WASHC5: variants seen among roughly 807,000 people sequenced by gnomAD.
The protein encoded by WASHC5 is WASH complex subunit 5.
WASHC5 carries 101 observed loss-of-function variants against 150.4 expected under a neutral mutation model. The ratio of observed to expected loss-of-function variants is 0.67; its 90% CI spans 0.57 to 0.79. The LOEUF (loss-of-function observed/expected upper bound fraction) is 0.79. Ranked by LOEUF, WASHC5 falls within the 30% of genes least tolerant of loss-of-function variation. The pLI, the probability that WASHC5 is intolerant of heterozygous loss-of-function variation, is 0.00. For missense variants in WASHC5, 1,195 were observed against 1,396.3 expected (o/e 0.86, Z 2.30); for synonymous variants, 467 against 491.2 (o/e 0.95, Z 0.65).
At chr8:125,084,370 A>G (rs1817357897) in intron 1 of WASHC5, among the ~76,000 whole-genome samples, 2 of 152,344 alleles carry the variant, frequency 1.3e-5, no homozygotes, top group Middle Eastern at 3.4e-3. Context: ...TTAGCAAATA[A>G]TTTCAAACGC....
chr8:125,089,858 C>T (rs1317857787), intron 1 of WASHC5, among the ~76,000 whole-genome samples: 1 of 152,130 alleles, frequency 6.6e-6, no homozygotes, highest in Non-Finnish European at 1.5e-5. Context: ...ATATGTTCGG[C>T]AATAGTAAAA....
At chr8:125,070,539 A>G (rs1272486980) in intron 9 of WASHC5, among the ~76,000 whole-genome samples, 2 of 152,234 alleles carry the variant, frequency 1.3e-5, no homozygotes, top group Non-Finnish European at 2.9e-5. Flanking sequence ...CTGAGTCACT[A>G]GAAAACCCCA....
intron 24 of WASHC5, among the ~76,000 whole-genome samples, chr8:125,039,183 C>G (rs945418601): frequency 6.6e-6 from 1 of 152,208 alleles, no homozygotes; most frequent in African/African-American, 2.4e-5. Flanking sequence ...AATGCATTCA[C>G]CATTCAAATT....
chr8:125,027,481 G>T (rs1815406863), intron 28 of WASHC5, among the ~76,000 whole-genome samples: 2 of 152,196 alleles, frequency 1.3e-5, no homozygotes, highest in Non-Finnish European at 2.9e-5. Flanking sequence ...ACCCGGATGA[G>T]ACTGGAGATT....
In WASHC5 at chr8:125,044,048, A is replaced by T. The variant is rs1478270508; in HGVS notation, c.2714T>A (p.Val905Asp). ...FQKIILRDRT[V>D]QDTLKTLMNA... ...CATGAGGGTTTTTAAAGTGTCCTGA[A>T]CAGTTCTGTCTCTCAGGATAATTTT... is the stretch of plus-strand genomic sequence containing the variant. Residue 905 changes from valine to aspartate, a missense_variant, in exon 22 of 29, where the codon GTT becomes GAT. By Grantham distance (152) the Val-to-Asp change is radical (BLOSUM62 -3). Transcript: ENST00000318410. 2.5e-6 allele frequency: 4 copies of T among 1,613,878 alleles called. No homozygotes were observed. Among genetic ancestry groups the T allele is most frequent in the Non-Finnish European group, 3.4e-6 (4 of 1,179,764 alleles).
At chr8:125,038,629 C>T (rs1031574090) in intron 25 of WASHC5, among the ~76,000 whole-genome samples, 5 of 152,138 alleles carry the variant, frequency 3.3e-5, no homozygotes, top group African/African-American at 7.2e-5. Context: ...CTTTCACCAG[C>T]GCTATAGCAC....
intron 1 of WASHC5, among the ~76,000 whole-genome samples, chr8:125,086,197 G>C (rs1270654336): frequency 6.6e-6 from 1 of 152,124 alleles, no homozygotes; most frequent in Non-Finnish European, 1.5e-5. Flanking sequence ...AATTCTGGAG[G>C]CGAGAACTTC....
intron 14 of WASHC5, 72 bp downstream of exon 14, chr8:125,059,150 A>T: frequency 9.3e-7 from 1 of 1,075,152 alleles, no homozygotes; most frequent in Non-Finnish European, 1.4e-6. Flanking sequence ...TCCTGGGCTG[A>T]ATTAATGAAT....
intron 10 of WASHC5, among the ~76,000 whole-genome samples, chr8:125,064,234 ACT>A (rs1481281231): frequency 6.6e-6 from 1 of 152,000 alleles, no homozygotes; most frequent in Non-Finnish European, 1.5e-5. Context: ...ACAGGGTCTC[ACT>A]CTGTTGCCCA....
intron 1 of WASHC5, among the ~76,000 whole-genome samples, chr8:125,087,359 G>GA (rs1335548926): frequency 6.6e-6 from 1 of 152,016 alleles, no homozygotes; most frequent in Non-Finnish European, 1.5e-5. Flanking sequence ...CTTATCTTTG[G>GA]AAAAAGAGAG....
chr8:125,060,279 G>A (rs1280325492), intron 12 of WASHC5, among the ~76,000 whole-genome samples: 3 of 152,252 alleles, frequency 2.0e-5, no homozygotes, highest in Non-Finnish European at 4.4e-5. Flanking sequence ...CTGAGGTCAG[G>A]AGTTTGAGAC....
chr8:125,062,018 T>TG (rs1816608558), intron 11 of WASHC5, among the ~76,000 whole-genome samples: 1 of 152,196 alleles, frequency 6.6e-6, no homozygotes, highest in Admixed American at 6.5e-5. Flanking sequence ...AAAGTTTTTT[T>TG]TTTGTTTGTT....
intron 1 of WASHC5, 45 bp from the exon 2 acceptor site, chr8:125,084,067 A>G (rs1817350523): frequency 1.0e-5 from 7 of 678,354 alleles, no homozygotes; most frequent in Non-Finnish European, 1.8e-5. Context: ...TGTTTAAGGA[A>G]GCACATGTGT....
rs1345227840 is a variant in WASHC5 at position 125,083,272 on chromosome 8, A to G, written c.187-14T>C. The G allele has an allele frequency of 3.7e-6, 6 of 1,610,822 alleles. No homozygotes were observed. The highest frequency in any genetic ancestry group is 5.1e-6 in the Non-Finnish European group (6 of 1,177,774). On this transcript the variant is annotated splice_polypyrimidine_tract_variant and intron_variant, in intron 2 of 28. Coordinates refer to ENST00000318410, the MANE Select transcript of WASHC5 (RefSeq NM_014846.4). ...TAATTCTGGACCCTGAGAAAAAAAAACACATGTGAAATGTCAATAAAAGCA... is the reference window on the plus strand; with the variant it reads ...TAATTCTGGACCCTGAGAAAAAAAAGCACATGTGAAATGTCAATAAAAGCA...
chr8:125,037,319 T>C lies in WASHC5; in HGVS notation c.3099A>G (p.Thr1033=), dbSNP rs527976914. 2 of 1,603,032 alleles carry C rather than the reference T, an allele frequency of 1.2e-6. No individual in the cohort carries two copies. The highest frequency in any genetic ancestry group is 2.2e-5 in the South Asian group (2 of 90,848). ...HNPLNKIYIT[T]KRLPYFPIVN... ...CAATTGGAAAATAGGGTAAGCGCTT[T>C]GTTGTTATGTATATCTGGAAAGAGA... The change falls in exon 26 of 29, where the codon ACA becomes ACG. Residue 1033 remains threonine, a synonymous_variant. Coordinates refer to ENST00000318410, the MANE Select transcript of WASHC5 (RefSeq NM_014846.4).
At chr8:125,054,999 T>A (rs996548298) in intron 17 of WASHC5, among the ~76,000 whole-genome samples, 14 of 152,126 alleles carry the variant, frequency 9.2e-5, no homozygotes, top group Admixed American at 9.2e-4. Context: ...TTCTTGGATT[T>A]AAACAACTCT....
In WASHC5 at chr8:125,049,190, G is replaced by C. The variant is rs773339096; in HGVS notation, c.2200-5C>G. The C allele has an allele frequency of 1.9e-6, 3 of 1,613,958 alleles. No individual in the cohort carries two copies. The East Asian group carries it at 6.7e-5, about 36-fold the overall frequency. ...CTTGGGCATCAATTCACTTGGCTGT[G>C]GAAAAGGGGAAACATAAAGCTCTTA... On this transcript the variant is annotated splice_polypyrimidine_tract_variant and splice_region_variant and intron_variant, in intron 18 of 28. Coordinates refer to ENST00000318410, the MANE Select transcript of WASHC5 (RefSeq NM_014846.4).
intron 1 of WASHC5, among the ~76,000 whole-genome samples, chr8:125,085,512 T>C (rs563223905): frequency 1.3e-5 from 2 of 152,086 alleles, no homozygotes; most frequent in Non-Finnish European, 2.9e-5. Flanking sequence ...AGAAGCCAAG[T>C]AACAAGGAAA....
chr8:125,088,855 C>T (rs991968645), intron 1 of WASHC5, among the ~76,000 whole-genome samples: 39 of 152,178 alleles, frequency 2.6e-4, no homozygotes, highest in African/African-American at 9.4e-4. Flanking sequence ...CTAATAATGG[C>T]ATCCCAAGCA....
Sources: gnomAD v4.1 joint callset for allele counts (sites outside exome capture counted in the v4.1 genomes callset) on GRCh38, gnomAD v4.1.1 for gene constraint, MANE v1.5 for transcripts, NCBI Gene and HGNC (gene_info 2026-07-23, HGNC 2026-07-21) for gene names.